The following CNTNAP2 variants were observed in gnomAD, a reference collection of about 807,000 sequenced individuals.
CNTNAP2 encodes contactin-associated protein-like 2.
CNTNAP2 carries 98 observed loss-of-function variants against 155.2 expected under a neutral mutation model. That is an observed-to-expected ratio of 0.63 (90% confidence interval 0.54 to 0.75). The LOEUF (loss-of-function observed/expected upper bound fraction) is 0.75. Among genes scored for constraint, CNTNAP2 ranks in the 30% least tolerant of loss-of-function variants. The probability of loss-of-function intolerance (pLI) is 0.00; values close to 1 mark genes in which losing one functional copy is unlikely to be tolerated. For synonymous variants in CNTNAP2, 651 were observed against 631.2 expected (o/e 1.03, Z -0.47); for missense variants, 1,727 against 1,688.1 (o/e 1.02, Z -0.40).
intron 1 of CNTNAP2, among the ~76,000 whole-genome samples, chr7:146,400,812 C>T (rs1724529): frequency 0.12 from 18,840 of 152,192 alleles, 1,634 homozygotes; most frequent in African/African-American, 0.24. Context: ...GGCTGACAGC[C>T]TTGGAACCTT....
intron 1 of CNTNAP2, among the ~76,000 whole-genome samples, chr7:146,730,857 A>G (rs1801513008): frequency 6.6e-6 from 1 of 152,132 alleles, no homozygotes; most frequent in Admixed American, 6.6e-5. Flanking sequence ...TTAGTTTTAG[A>G]TGGTTACCAC....
At chr7:147,701,800 G>A (rs546886606) in intron 13 of CNTNAP2, among the ~76,000 whole-genome samples, 7 of 152,204 alleles carry the variant, frequency 4.6e-5, no homozygotes, top group South Asian at 2.1e-4. Context: ...TTATAAGGCC[G>A]AACTTCCCTT....
At chr7:148,168,920 G>A (rs891550497) in intron 17 of CNTNAP2, among the ~76,000 whole-genome samples, 2 of 152,126 alleles carry the variant, frequency 1.3e-5, no homozygotes, top group Non-Finnish European at 2.9e-5. Flanking sequence ...ATTTTGTATT[G>A]TAGAAGGTCT....
At chr7:147,327,706 A>G (rs374678368) in intron 9 of CNTNAP2, among the ~76,000 whole-genome samples, 75 of 152,310 alleles carry the variant, frequency 4.9e-4, no homozygotes, top group African/African-American at 1.8e-3. Context: ...AGACTTACAT[A>G]TAGTTGAGCA....
chr7:146,644,113 A>G (rs1459924974), intron 1 of CNTNAP2, among the ~76,000 whole-genome samples: 1 of 152,182 alleles, frequency 6.6e-6, no homozygotes, highest in Non-Finnish European at 1.5e-5. Context: ...GCAAACAGGG[A>G]CAATTCGACT....
chr7:147,941,472 A>G (rs763554872), intron 14 of CNTNAP2, among the ~76,000 whole-genome samples: 1 of 152,124 alleles, frequency 6.6e-6, no homozygotes, highest in Non-Finnish European at 1.5e-5. Context: ...TCTAGAGAGC[A>G]CTCACAAAAA....
At chr7:147,105,376 C>A (rs1800744723) in intron 4 of CNTNAP2, among the ~76,000 whole-genome samples, 1 of 151,876 alleles carries the variant, frequency 6.6e-6, no homozygotes, top group Non-Finnish European at 1.5e-5. Flanking sequence ...GTTCAGATTG[C>A]TTAAACAGTT....
intron 11 of CNTNAP2, among the ~76,000 whole-genome samples, chr7:147,516,615 AG>A (rs1799131827): frequency 3.3e-5 from 3 of 91,532 alleles, no homozygotes; most frequent in Non-Finnish European, 2.4e-5. Flanking sequence ...AGAGAGAGAG[AG>A]AATGTGTGTG....
intron 13 of CNTNAP2, among the ~76,000 whole-genome samples, chr7:147,743,894 GGCCCTGGA>G (rs370485781): frequency 1.3e-5 from 2 of 151,944 alleles, no homozygotes; most frequent in African/African-American, 4.8e-5. Flanking sequence ...GTTGGTTAGG[GGCCCTGGA>G]GCCCCACCCT....
intron 1 of CNTNAP2, among the ~76,000 whole-genome samples, chr7:146,720,270 C>T (rs1374862605): frequency 6.6e-6 from 1 of 152,090 alleles, no homozygotes; most frequent in Non-Finnish European, 1.5e-5. Context: ...CACAGTTTCT[C>T]CAGCCCCATT....
chr7:147,062,969 C>A (rs974831024), intron 4 of CNTNAP2, among the ~76,000 whole-genome samples: 1 of 152,168 alleles, frequency 6.6e-6, no homozygotes, highest in Non-Finnish European at 1.5e-5. Flanking sequence ...TTTCTCTCTG[C>A]ACTGATTGAC....
chr7:147,598,983 C>T (rs1402023136), intron 12 of CNTNAP2, among the ~76,000 whole-genome samples: 4 of 152,120 alleles, frequency 2.6e-5, no homozygotes, highest in Non-Finnish European at 4.4e-5. Context: ...GTCAGTTAAA[C>T]CTCTTTCCTT....
intron 3 of CNTNAP2, among the ~76,000 whole-genome samples, chr7:146,960,825 T>G (rs1797543273): frequency 2.0e-5 from 3 of 152,120 alleles, no homozygotes; most frequent in Non-Finnish European, 4.4e-5. Flanking sequence ...AATAGCCCAG[T>G]TATAAACATA....
chr7:146,286,114 A>G (rs1442425687), intron 1 of CNTNAP2, among the ~76,000 whole-genome samples: 1 of 142,990 alleles, frequency 7.0e-6, no homozygotes, highest in Non-Finnish European at 1.5e-5. Context: ...TGGGCAATCG[A>G]ATTTCTTACA....
At chr7:146,893,604 A>G (rs1356150117) in intron 3 of CNTNAP2, among the ~76,000 whole-genome samples, 1 of 152,078 alleles carries the variant, frequency 6.6e-6, no homozygotes, top group African/African-American at 2.4e-5. Context: ...TAGATGACTG[A>G]CTATTCATCT....
At chr7:146,514,055 G>A (rs527297231) in intron 1 of CNTNAP2, among the ~76,000 whole-genome samples, 1 of 151,486 alleles carries the variant, frequency 6.6e-6, no homozygotes, top group Non-Finnish European at 1.5e-5. Context: ...ACCTGGCCTG[G>A]TTTTCACTGA....
rs77256073 is a variant in CNTNAP2 at position 148,193,493 on chromosome 7, T to G, written c.3010+21015T>G. Among the ~76,000 whole-genome samples the G allele has an allele frequency of 7.1e-3, 1,086 of 152,306 alleles. 16 individuals carry two copies. Among genetic ancestry groups the G allele is most frequent in the African/African-American group, 0.025 (1,037 of 41,564 alleles). On this transcript the variant is annotated intron_variant, in intron 18 of 23. Coordinates refer to ENST00000361727, the MANE Select transcript of CNTNAP2 (RefSeq NM_014141.6). Reference sequence around the variant, plus strand: ...AAATACACATTTTCATAATTTTTTTTTGTGGAAGAAAGGGACCACAAGGGC... The same window carrying G: ...AAATACACATTTTCATAATTTTTTTGTGTGGAAGAAAGGGACCACAAGGGC...
At chr7:147,257,029 G>C (rs991315100) in intron 8 of CNTNAP2, among the ~76,000 whole-genome samples, 1 of 152,120 alleles carries the variant, frequency 6.6e-6, no homozygotes, top group African/African-American at 2.4e-5. Context: ...CTAAGTGAGA[G>C]AATTTTATGA....
intron 3 of CNTNAP2, among the ~76,000 whole-genome samples, chr7:147,022,264 T>C (rs188423186): frequency 6.6e-6 from 1 of 152,054 alleles, no homozygotes; most frequent in Non-Finnish European, 1.5e-5. Flanking sequence ...CTACAGTGAG[T>C]CCTAGATCAG....
Sources: gnomAD v4.1 joint callset for allele counts (sites outside exome capture counted in the v4.1 genomes callset) on GRCh38, gnomAD v4.1.1 for gene constraint, MANE v1.5 for transcripts, NCBI Gene and HGNC (gene_info 2026-07-23, HGNC 2026-07-21) for gene names.